VAV3: variants seen among roughly 807,000 people sequenced by gnomAD.
The protein encoded by VAV3 is guanine nucleotide exchange factor VAV3.
A neutral mutation model predicts 131.2 loss-of-function variants in VAV3; 94 were observed. That is an observed-to-expected ratio of 0.72 (90% CI 0.61 to 0.85). VAV3 has a LOEUF of 0.85. Among genes scored for constraint, VAV3 ranks in the 40% least tolerant of loss-of-function variants. The pLI is 0.00. For synonymous variants in VAV3, 349 were observed against 342.0 expected (o/e 1.02, Z -0.22); for missense variants, 939 against 1,002.7 (o/e 0.94, Z 0.86).
intron 4 of VAV3, among the ~76,000 whole-genome samples, chr1:107,774,663 C>T (rs1345879914): frequency 6.6e-6 from 1 of 152,168 alleles, no homozygotes; most frequent in East Asian, 1.9e-4. Flanking sequence ...TAAAAGGACA[C>T]TGTACAGTGT....
intron 2 of VAV3, among the ~76,000 whole-genome samples, chr1:107,868,177 T>C (rs61393664): frequency 6.6e-6 from 1 of 152,134 alleles, no homozygotes; most frequent in Non-Finnish European, 1.5e-5. Flanking sequence ...ATGGATGACA[T>C]AAAGCCCAAA....
intron 19 of VAV3, among the ~76,000 whole-genome samples, chr1:107,675,674 A>G (rs1281711274): frequency 6.6e-6 from 1 of 152,096 alleles, no homozygotes; most frequent in Non-Finnish European, 1.5e-5. Flanking sequence ...TCCTTTAAGG[A>G]TGGCACCTTT....
intron 19 of VAV3, among the ~76,000 whole-genome samples, chr1:107,677,454 A>C (rs1658289788): frequency 6.6e-6 from 1 of 152,156 alleles, no homozygotes; most frequent in East Asian, 1.9e-4. Context: ...TAGCATTACA[A>C]TGGCATATCC....
At chr1:107,859,481 C>T (rs10494081) in intron 2 of VAV3, among the ~76,000 whole-genome samples, 98,538 of 150,184 alleles carry the variant, frequency 0.66, 32,559 homozygotes, top group Non-Finnish European at 0.71. Flanking sequence ...TTCTCGATGA[C>T]TGATTTAGTG....
chr1:107,648,264 G>A (rs996229921), intron 19 of VAV3, among the ~76,000 whole-genome samples: 1 of 151,966 alleles, frequency 6.6e-6, no homozygotes, highest in African/African-American at 2.4e-5. Flanking sequence ...CATAACCACT[G>A]ACTAGTCACT....
chr1:107,937,793 A>G lies in VAV3; in HGVS notation c.204+26873T>C, dbSNP rs540331245. ...TTGTAGTCCCAATTATTAACACAAT[A>G]TAATGACTGCATTAATATCTATACA... On this transcript the variant is annotated intron_variant, in intron 1 of 26. Transcript: ENST00000370056. Among the ~76,000 whole-genome samples the G allele has an allele frequency of 2.6e-5, 4 of 152,356 alleles. No individual in the cohort carries two copies. The East Asian group carries it at 7.7e-4, about 29-fold the overall frequency.
In VAV3 at chr1:107,611,090, T is replaced by A. The variant is rs145707680; in HGVS notation, c.1981-1125A>T. 1.8e-3 allele frequency among the ~76,000 whole-genome samples: 269 copies of A among 152,290 alleles called. 1 individual carries two copies. The highest frequency in any genetic ancestry group is 6.2e-3 in the African/African-American group (257 of 41,560). On this transcript the variant is annotated intron_variant, in intron 21 of 26. Transcript: ENST00000370056. ...GACTAGAGATGTTTCACATTTTGGA[T>A]TTAAAAAAATTAGAATATTTGAATT... is the stretch of plus-strand genomic sequence containing the variant.
intron 19 of VAV3, among the ~76,000 whole-genome samples, chr1:107,649,455 A>G (rs547137002): frequency 6.6e-6 from 1 of 152,208 alleles, no homozygotes; most frequent in South Asian, 2.1e-4. Flanking sequence ...TGAGATCACT[A>G]GTTTATAAAA....
At chr1:107,625,803 T>A (rs1364530581) in intron 20 of VAV3, among the ~76,000 whole-genome samples, 1 of 152,234 alleles carries the variant, frequency 6.6e-6, no homozygotes, top group South Asian at 2.1e-4. Context: ...CATGTGCACA[T>A]GCATACTTTA....
intron 19 of VAV3, among the ~76,000 whole-genome samples, chr1:107,660,354 A>C (rs1307707173): frequency 1.3e-5 from 2 of 152,198 alleles, no homozygotes; most frequent in Non-Finnish European, 2.9e-5. Flanking sequence ...TTAATTATCC[A>C]AGTGAGTGGG....
chr1:107,584,103 C>A (rs1650298647), intron 25 of VAV3, among the ~76,000 whole-genome samples: 1 of 152,134 alleles, frequency 6.6e-6, no homozygotes, highest in African/African-American at 2.4e-5. Context: ...AATAACACCG[C>A]ATATCTACAA....
At chr1:107,888,996 C>G (rs978584132) in intron 1 of VAV3, among the ~76,000 whole-genome samples, 19 of 151,986 alleles carry the variant, frequency 1.3e-4, no homozygotes, top group African/African-American at 4.6e-4. Flanking sequence ...ATTCACCTAC[C>G]CAGCACCAGT....
At chr1:107,669,077 GA>G (rs1557748205) in intron 19 of VAV3, 5 of 1,080,594 alleles carry the variant, frequency 4.6e-6, no homozygotes, top group South Asian at 2.6e-5. Context: ...GAACACAGGG[GA>G]AAAAAAGAAA....
chr1:107,916,460 A>T (rs1417504727), intron 1 of VAV3, among the ~76,000 whole-genome samples: 3 of 152,220 alleles, frequency 2.0e-5, no homozygotes, highest in Non-Finnish European at 4.4e-5. Context: ...CAAGCCCTGA[A>T]TGTGACCCTC....
At chr1:107,880,074 C>A (rs1033146807) in intron 1 of VAV3, among the ~76,000 whole-genome samples, 1 of 152,152 alleles carries the variant, frequency 6.6e-6, no homozygotes, top group Non-Finnish European at 1.5e-5. Context: ...TACTCAAAGG[C>A]TTATTATAGT....
intron 22 of VAV3, among the ~76,000 whole-genome samples, chr1:107,605,974 C>A (rs1261770515): frequency 6.6e-6 from 1 of 152,086 alleles, no homozygotes; most frequent in Admixed American, 6.6e-5. Context: ...TTCTTCTGAG[C>A]CCTCCACGCT....
At chr1:107,638,552 A>G (rs1409876370) in intron 20 of VAV3, among the ~76,000 whole-genome samples, 1 of 152,204 alleles carries the variant, frequency 6.6e-6, no homozygotes, top group Non-Finnish European at 1.5e-5. Flanking sequence ...TGAGGAGTAT[A>G]GTATGTTCAG....
intron 3 of VAV3, 32 bp downstream of exon 3, chr1:107,779,402 T>G: frequency 6.4e-7 from 1 of 1,559,380 alleles, no homozygotes; most frequent in Middle Eastern, 1.7e-4. Context: ...CTGAACTCAA[T>G]GGGACACATG....
chr1:107,746,562 G>T (rs1184346269), intron 15 of VAV3, among the ~76,000 whole-genome samples: 1 of 152,156 alleles, frequency 6.6e-6, no homozygotes, highest in African/African-American at 2.4e-5. Flanking sequence ...GGTGGCTGCT[G>T]GTTGCCTACA....
Sources: allele counts gnomAD v4.1 joint callset (sites outside exome capture counted in the v4.1 genomes callset), GRCh38; gene constraint gnomAD v4.1.1; transcripts MANE v1.5; gene names NCBI Gene and HGNC (gene_info 2026-07-23, HGNC 2026-07-21).